Variants in CDYL observed in about 807,000 individuals in gnomAD.
CDYL encodes chromodomain Y like.
In CDYL, 8 loss-of-function variants were observed where a neutral mutation model predicts 47.3. That is an observed-to-expected ratio of 0.17 (90% CI 0.10 to 0.31). The LOEUF is 0.31. Among genes scored for constraint, CDYL ranks in the 10% least tolerant of loss-of-function variants. CDYL has a pLI of 1.00. For synonymous variants in CDYL, 266 were observed against 265.0 expected, an observed-to-expected ratio of 1.00 and a Z score of -0.04; for missense variants, 471 against 701.4, an observed-to-expected ratio of 0.67 and a Z score of 3.71.
intron 2 of CDYL, among the ~76,000 whole-genome samples, chr6:4,734,570 G>C (rs34585929): frequency 0.29 from 44,193 of 152,064 alleles, 6,563 homozygotes; most frequent in African/African-American, 0.33. Context: ...ACGGGCTGCT[G>C]CAGCAAGACT....
intron 3 of CDYL, among the ~76,000 whole-genome samples, chr6:4,745,849 G>C (rs1757886253): frequency 6.6e-6 from 1 of 152,172 alleles, no homozygotes; most frequent in Non-Finnish European, 1.5e-5. Flanking sequence ...GGGCAGACTG[G>C]AAGGCAATCC....
At chr6:4,715,430 GCTTA>G (rs1396673348) in intron 1 of CDYL, among the ~76,000 whole-genome samples, 1 of 152,140 alleles carries the variant, frequency 6.6e-6, no homozygotes, top group African/African-American at 2.4e-5. Flanking sequence ...AGGCCACTTG[GCTTA>G]CTTACTCTTC....
At chr6:4,836,612 G>T (rs1200183745) in intron 1 of CDYL, among the ~76,000 whole-genome samples, 1 of 152,116 alleles carries the variant, frequency 6.6e-6, no homozygotes, top group Non-Finnish European at 1.5e-5. Flanking sequence ...TTTAAAATCT[G>T]TTAGCAATAG....
At chr6:4,867,134 G>A (rs1479008818) in intron 1 of CDYL, among the ~76,000 whole-genome samples, 1 of 151,932 alleles carries the variant, frequency 6.6e-6, no homozygotes, top group Non-Finnish European at 1.5e-5. Flanking sequence ...AATACTTGTT[G>A]TAACTGTAGC....
chr6:4,948,418 C>T (rs76237781), intron 5 of CDYL, among the ~76,000 whole-genome samples: 1 of 152,204 alleles, frequency 6.6e-6, no homozygotes, highest in African/African-American at 2.4e-5. Context: ...TGCCTGCCCT[C>T]TGGTCAGCCG....
chr6:4,823,991 C>T (rs1453402552), intron 1 of CDYL, among the ~76,000 whole-genome samples: 2 of 152,310 alleles, frequency 1.3e-5, no homozygotes, highest in East Asian at 3.9e-4. Flanking sequence ...TAGTATTTGT[C>T]CTTTTGTGTC....
At chr6:4,874,764 T>C (rs1166515513) in intron 1 of CDYL, among the ~76,000 whole-genome samples, 4 of 152,224 alleles carry the variant, frequency 2.6e-5, no homozygotes, top group Non-Finnish European at 5.9e-5. Flanking sequence ...CATGTCCCTT[T>C]CCACAGGTGG....
intron 2 of CDYL, among the ~76,000 whole-genome samples, chr6:4,917,232 GAAGTACCAGATTGTCTT>G (rs1055088555): frequency 1.1e-4 from 16 of 152,282 alleles, no homozygotes; most frequent in Admixed American, 6.5e-4. Flanking sequence ...TTAGATCTTA[GAAGTACCAGATTGTCTT>G]TTGAAGTCAT....
chr6:4,857,306 T>C (rs939128984), intron 1 of CDYL, among the ~76,000 whole-genome samples: 2 of 152,210 alleles, frequency 1.3e-5, no homozygotes, highest in Non-Finnish European at 2.9e-5. Flanking sequence ...CAAAAGTATT[T>C]CAGAATTACC....
intron 2 of CDYL, among the ~76,000 whole-genome samples, chr6:4,930,613 TGAA>T (rs1324222991): frequency 6.6e-6 from 1 of 152,174 alleles, no homozygotes; most frequent in Admixed American, 6.5e-5. Context: ...CAGTGGCAGG[TGAA>T]GAAGTACAGA....
At chr6:4,708,143 TG>T (rs1757080224) in intron 1 of CDYL, among the ~76,000 whole-genome samples, 1 of 29,016 alleles carries the variant, frequency 3.4e-5, no homozygotes, top group Non-Finnish European at 6.1e-5. Flanking sequence ...GTTTGTGTTG[TG>T]TACACACACA....
At chr6:4,770,757 G>A (rs1581155131) in intron 3 of CDYL, among the ~76,000 whole-genome samples, 2 of 152,096 alleles carry the variant, frequency 1.3e-5, no homozygotes, top group Non-Finnish European at 2.9e-5. Context: ...GAGAAGTAAT[G>A]TGTACTACAA....
At chr6:4,823,152 A>G (rs6922314) in intron 1 of CDYL, among the ~76,000 whole-genome samples, 3,320 of 152,344 alleles carry the variant, frequency 0.022, 123 homozygotes, top group African/African-American at 0.075. Context: ...AGTTTATTTT[A>G]GCATTTTAGC....
rs372813886 is a variant in CDYL, at chr6:4,781,493, A to G, written c.24+4686A>G. On this transcript the variant is annotated intron_variant, in intron 1 of 6. Coordinates refer to ENST00000397588, the MANE Select transcript of CDYL (RefSeq NM_004824.4). ...TGATAGTGAGGCAGTGAGGTCAAAC[A>G]TGCATGTGTGTTTTGACAATAATAG... 7.9e-5 allele frequency among the ~76,000 whole-genome samples: 12 copies of G among 152,348 alleles called. No homozygotes were observed. In the East Asian group the frequency reaches 2.3e-3, roughly 29 times the overall value.
intron 3 of CDYL, among the ~76,000 whole-genome samples, chr6:4,736,305 C>G (rs901493099): frequency 2.6e-5 from 4 of 152,220 alleles, no homozygotes; most frequent in African/African-American, 9.7e-5. Flanking sequence ...AACACGTGTG[C>G]TTTCTACTAG....
chr6:4,918,850 T>C (rs369230274), intron 2 of CDYL, among the ~76,000 whole-genome samples: 125 of 152,354 alleles, frequency 8.2e-4, no homozygotes, highest in African/African-American at 2.9e-3. Context: ...AAGACTTTGC[T>C]GCTTTTCTGA....
intron 1 of CDYL, among the ~76,000 whole-genome samples, chr6:4,880,041 C>T (rs111688865): frequency 0.023 from 3,502 of 152,170 alleles, 140 homozygotes; most frequent in African/African-American, 0.08. Context: ...TACATTGACA[C>T]GTCATCACCC....
intron 3 of CDYL, among the ~76,000 whole-genome samples, chr6:4,740,157 C>T (rs545582253): frequency 6.6e-6 from 1 of 152,156 alleles, no homozygotes; most frequent in African/African-American, 2.4e-5. Flanking sequence ...TTGAAGTTAT[C>T]TATCAAGAAC....
intron 1 of CDYL, among the ~76,000 whole-genome samples, chr6:4,827,404 A>T (rs181600652): frequency 1.3e-5 from 2 of 152,174 alleles, no homozygotes; most frequent in African/African-American, 4.8e-5. Context: ...TTTCTTTTTA[A>T]TAATGGATTG....
Sources: gnomAD v4.1 joint callset for allele counts (sites outside exome capture counted in the v4.1 genomes callset) on GRCh38, gnomAD v4.1.1 for gene constraint, MANE v1.5 for transcripts, NCBI Gene and HGNC (gene_info 2026-07-23, HGNC 2026-07-21) for gene names.